FEZF1: variants seen among roughly 807,000 people sequenced by gnomAD.
FEZF1 encodes FEZ family zinc finger 1, also known as fez family zinc finger protein 1.
FEZF1 carries 8 observed loss-of-function variants against 32.4 expected under a neutral mutation model. The observed-to-expected ratio is 0.25, with a 90% CI of 0.15 to 0.45. The LOEUF (loss-of-function observed/expected upper bound fraction) is 0.45, where lower values mean the gene tolerates loss of function less well. FEZF1 is among the 20% of genes least tolerant of loss of function. FEZF1 has a pLI of 1.00. For synonymous variants in FEZF1, 259 were observed against 265.2 expected (o/e 0.98, Z 0.23); for missense variants, 546 against 622.3 (o/e 0.88, Z 1.31).
chr7:122,305,077 A>T (rs956535910), upstream of FEZF1: 4 of 152,382 alleles, frequency 2.6e-5, no homozygotes, highest in African/African-American at 9.6e-5. Flanking sequence ...TCATTGTGCA[A>T]GGGCTAAATA....
chr7:122,308,993 T>A (rs928965441), upstream of FEZF1, among the ~76,000 whole-genome samples: 6 of 152,260 alleles, frequency 3.9e-5, no homozygotes, highest in Non-Finnish European at 7.3e-5. Flanking sequence ...CTGCTTATAG[T>A]CTTTATCTCT....
rs142397453 is a variant in FEZF1 at position 122,303,299 on chromosome 7, G to A, written c.814C>T (p.His272Tyr). 52 of 1,613,896 alleles carry A rather than the reference G, an allele frequency of 3.2e-5. No individual in the cohort carries two copies. The highest frequency in any genetic ancestry group is 4.2e-5 in the Non-Finnish European group (50 of 1,180,024). ...GGCATGTGACGGGTTAAGTTATAGTGCGCATTAAAGACCTTAAAATTAAAC... is the reference window on the plus strand; with the variant it reads ...GGCATGTGACGGGTTAAGTTATAGTACGCATTAAAGACCTTAAAATTAAAC... ...CEVCGKVFNAHYNLTRHMPVH... is the reference protein window; with the variant it reads ...CEVCGKVFNAYYNLTRHMPVH... The change falls in exon 2 of 4, where the codon CAC (histidine) becomes TAC (tyrosine). Residue 272 changes from histidine (H) to tyrosine (Y), a missense_variant. By Grantham distance (83) the His-to-Tyr change is moderately conservative. Transcript: ENST00000442488.
At chr7:122,309,806 CT>C (rs1256222969) in intron 1 of FEZF1, 1 of 152,068 alleles carries the variant, frequency 6.6e-6, no homozygotes, top group East Asian at 1.9e-4. Flanking sequence ...TGCTCTATTG[CT>C]CTACACTGAA....
chr7:122,305,602 A>G (rs530411273), upstream of FEZF1: 6 of 152,214 alleles, frequency 3.9e-5, no homozygotes, highest in East Asian at 1.2e-3. Flanking sequence ...CCGAGTTTCC[A>G]TTGAGAGTCT....
At chr7:122,307,915 A>G (rs887125810), upstream of FEZF1, among the ~76,000 whole-genome samples, 1 of 152,166 alleles carries the variant, frequency 6.6e-6, no homozygotes, top group Non-Finnish European at 1.5e-5. Flanking sequence ...AACACAAAAT[A>G]TATTTAGAAA....
At chr7:122,303,033 A>G in intron 2 of FEZF1, 102 bp from the exon 3 acceptor site, 1 of 1,523,562 alleles carries the variant, frequency 6.6e-7, no homozygotes, top group South Asian at 1.3e-5. Flanking sequence ...TTCAAGCAGA[A>G]CAAAAGCAAA....
upstream of FEZF1, chr7:122,305,970 C>A (rs148674669): frequency 1.3e-5 from 2 of 152,372 alleles, no homozygotes; most frequent in Non-Finnish European, 2.9e-5. Flanking sequence ...AAGACGCCTA[C>A]GGCTGCGGCT....
At chr7:122,306,173 A>C (rs1478509690), upstream of FEZF1, 1 of 152,628 alleles carries the variant, frequency 6.6e-6, no homozygotes, top group Non-Finnish European at 1.5e-5. Flanking sequence ...AGGAGGCCAA[A>C]GGAGCGCGCA....
chr7:122,310,207 C>T (rs543349934), exon 1 of FEZF1: 4 of 152,348 alleles, frequency 2.6e-5, no homozygotes, highest in African/African-American at 9.6e-5. Context: ...GGCCGATGGC[C>T]ACTCCGGCCC....
Position 122,302,974 on chromosome 7 carries a change from T to A in FEZF1, c.937-43A>T. ...AAAGCAGAGACATTTAGATATTTTC[T>A]AATTATGTGAAGTTCTGCAAGCTCA... On this transcript the variant is annotated intron_variant, in intron 2 of 3. Coordinates refer to ENST00000442488, the MANE Select transcript of FEZF1 (RefSeq NM_001024613.4). The surrounding 1 kb of genome is among the most constrained non-coding windows in gnomAD (Gnocchi z 4.4). 6.4e-7 allele frequency: 1 copy of A among 1,574,610 alleles called. No homozygotes were observed. Among genetic ancestry groups the A allele is most frequent in the Non-Finnish European group, 8.6e-7 (1 of 1,161,290 alleles).
In FEZF1 at chr7:122,303,965, C is replaced by T. The variant is rs778866185; in HGVS notation, c.473G>A (p.Gly158Asp). ...VVNHSSFHAM[G>D]ALCYLNRGDG... The stretch of plus-strand genomic sequence containing the variant: ...ACCTCGGTTCAGGTAGCACAAGGCG[C>T]CCATGGCGTGGAATGAAGAGTGGTT... The change falls in exon 1 of 4, where the codon GGC becomes GAC. Residue 158 changes from glycine to aspartate, a missense_variant. Gly to Asp is a moderately conservative substitution (Grantham distance 94). Transcript: ENST00000442488. 1 of 1,594,772 alleles carries T rather than the reference C, an allele frequency of 6.3e-7. No individual in the cohort carries two copies. The highest frequency in any genetic ancestry group is 1.3e-5 in the African/African-American group (1 of 74,396).
At position 122,304,438 on chromosome 7, in the gene FEZF1, G is replaced by T; in HGVS notation, c.-1C>A. 1 of 1,545,632 alleles carries T rather than the reference G, an allele frequency of 6.5e-7. No individual in the cohort carries two copies. On this transcript the variant is annotated 5_prime_UTR_variant, in exon 1 of 4. Coordinates refer to ENST00000442488, the MANE Select transcript of FEZF1 (RefSeq NM_001024613.4). ...TCGCGTTGTGGCAGCTACTGTCCAT[G>T]TCTGAGTCGCCAGCGTCCGTCAGCC...
In FEZF1 at chr7:122,302,693, G is replaced by C; in HGVS notation, c.1069+106C>G. ...GTAGGGAGTTAGAATGGCAACAAAA[G>C]TGCCACATAACTACACTTTAAACAT... On this transcript the variant is annotated intron_variant, in intron 3 of 3. Transcript: ENST00000442488. The surrounding 1 kb of genome is among the most constrained non-coding windows in gnomAD (Gnocchi z 4.4). 8.0e-7 allele frequency: 1 copy of C among 1,243,224 alleles called. No homozygotes were observed. Among genetic ancestry groups the C allele is most frequent in the Non-Finnish European group, 1.2e-6 (1 of 863,362 alleles). 77.0% of individuals were successfully genotyped at this position (1,243,224 alleles called of 1,614,324 possible).
chr7:122,301,818 C>A lies in FEZF1; in HGVS notation c.*179G>T. Reference sequence around the variant, plus strand: ...CCTATATAGAATATAATACACAAAACCATTTAGCAGGTGCATGCAAGAGGC... The same window carrying A: ...CCTATATAGAATATAATACACAAAAACATTTAGCAGGTGCATGCAAGAGGC... On this transcript the variant is annotated 3_prime_UTR_variant, in exon 4 of 4. Transcript: ENST00000442488. 2 of 747,610 alleles carry A rather than the reference C, an allele frequency of 2.7e-6. No homozygotes were observed. The highest frequency in any genetic ancestry group is 4.2e-6 in the Non-Finnish European group (2 of 473,720). The allele number at this position is 747,610 out of a possible 1,614,324, so 46.3% of individuals were successfully genotyped here.
intron 1 of FEZF1, 81 bp downstream of exon 1, chr7:122,303,543 AGGGAAGGAAGGAG>A (rs1563042246): frequency 1.0e-3 from 387 of 388,504 alleles, no homozygotes; most frequent in Middle Eastern, 2.8e-3. Flanking sequence ...GGAAGGAGGG[AGGGAAGGAAGGAG>A]GGAAGGAGGG....
At chr7:122,305,841 C>T (rs1260075590), upstream of FEZF1, 3 of 152,270 alleles carry the variant, frequency 2.0e-5, no homozygotes, top group Admixed American at 6.5e-5. Flanking sequence ...TTGTGCCTCC[C>T]AAAGAGCGCG....
rs2031046931 is a variant in FEZF1 at position 122,301,917 on chromosome 7, CG to C, written c.*79del. The C allele has an allele frequency of 6.6e-7, 1 of 1,516,620 alleles. No individual in the cohort carries two copies. Among genetic ancestry groups the C allele is most frequent in the African/African-American group, 1.4e-5 (1 of 71,480 alleles). The allele number at this position is 1,516,620 out of a possible 1,614,324, so 93.9% of individuals were successfully genotyped here. A position where few individuals can be genotyped will look rare whatever the true frequency, so the allele number is the denominator to read the frequency against. On this transcript the variant is annotated 3_prime_UTR_variant, in exon 4 of 4. Transcript: ENST00000442488. ...CCCAACATGCCCTGGGGTCTGCAGA[CG>C]AACTCGGACCAGGAGCTCTAGTCTG...
chr7:122,309,352 C>T (rs1331372220), upstream of FEZF1, among the ~76,000 whole-genome samples: 1 of 152,184 alleles, frequency 6.6e-6, no homozygotes, highest in African/African-American at 2.4e-5. Flanking sequence ...GATTATTTGT[C>T]TCTAGACCTT....
Position 122,304,528 on chromosome 7 carries a change from G to C in FEZF1, c.-91C>G, listed in dbSNP as rs1490539880. 5.3e-6 allele frequency: 6 copies of C among 1,130,884 alleles called. No individual in the cohort carries two copies. Among genetic ancestry groups the C allele is most frequent in the East Asian group, 2.6e-5 (1 of 38,150 alleles). 70.1% of individuals were successfully genotyped at this position (1,130,884 alleles called of 1,614,324 possible). ...GTCACAGACCTGCGGAGAGGGGGAC[G>C]GGCACCATCACCACCAGTAGCCTCC... On this transcript the variant is annotated 5_prime_UTR_variant, in exon 1 of 4. Coordinates refer to ENST00000442488, the MANE Select transcript of FEZF1 (RefSeq NM_001024613.4).
Sources: gnomAD v4.1 joint callset for allele counts (sites outside exome capture counted in the v4.1 genomes callset) on GRCh38, gnomAD v4.1.1 for gene constraint, Gnocchi (gnomAD v3.1) non-coding constraint, MANE v1.5 for transcripts, NCBI Gene and HGNC (gene_info 2026-07-23, HGNC 2026-07-21) for gene names.